The following MAGI1 variants were observed in gnomAD, a reference collection of about 807,000 sequenced individuals.
The protein encoded by MAGI1 is membrane-associated guanylate kinase, WW and PDZ domain-containing protein 1.
In MAGI1, 58 loss-of-function variants were observed where a neutral mutation model predicts 139.9. The observed-to-expected ratio is 0.41, with a 90% CI of 0.34 to 0.52. MAGI1 has a LOEUF of 0.52. Ranked by LOEUF, MAGI1 falls within the 20% of genes least tolerant of loss-of-function variation. The pLI is 0.12. For missense variants in MAGI1, 1,874 were observed against 1,901.6 expected, an observed-to-expected ratio of 0.99 and a Z score of 0.27; for synonymous variants, 812 against 737.9, an observed-to-expected ratio of 1.10 and a Z score of -1.63.
chr3:65,902,552 G>A (rs955333055), intron 1 of MAGI1: 2 of 152,704 alleles, frequency 1.3e-5, no homozygotes, highest in Non-Finnish European at 2.9e-5. Flanking sequence ...CACAGCAGAA[G>A]GGCTAAGTTT....
intron 1 of MAGI1, among the ~76,000 whole-genome samples, chr3:65,954,082 A>G (rs898075965): frequency 1.3e-5 from 2 of 151,980 alleles, no homozygotes; most frequent in African/African-American, 4.8e-5. Flanking sequence ...CCAACCCCCC[A>G]TACTCCGGCA....
chr3:65,656,822 AC>A (rs1415561792), intron 1 of MAGI1, among the ~76,000 whole-genome samples: 1 of 151,762 alleles, frequency 6.6e-6, no homozygotes, highest in African/African-American at 2.4e-5. Context: ...ACATGGTGAA[AC>A]CCCGTCTCTA....
At chr3:65,811,837 T>C (rs2041252988) in intron 1 of MAGI1, among the ~76,000 whole-genome samples, 1 of 152,038 alleles carries the variant, frequency 6.6e-6, no homozygotes, top group South Asian at 2.1e-4. Context: ...CCCTTGTTCT[T>C]TTACTTAAGC....
intron 14 of MAGI1, among the ~76,000 whole-genome samples, chr3:65,384,907 G>C (rs1431805505): frequency 6.6e-6 from 1 of 152,052 alleles, no homozygotes; most frequent in Admixed American, 6.5e-5. Flanking sequence ...ATCCCCAGCA[G>C]ACACTGAGGG....
intron 2 of MAGI1, among the ~76,000 whole-genome samples, chr3:65,569,815 C>A (rs1576349431): frequency 6.6e-6 from 1 of 150,998 alleles, no homozygotes; most frequent in East Asian, 1.9e-4. Flanking sequence ...ATCAAGGCTG[C>A]AGTGAGCCAT....
intron 21 of MAGI1, among the ~76,000 whole-genome samples, chr3:65,362,636 G>A (rs866029184): frequency 2.4e-4 from 36 of 152,232 alleles, no homozygotes; most frequent in African/African-American, 8.2e-4. Flanking sequence ...CAAGATTGTG[G>A]CTTAAGTGCA....
At chr3:65,851,094 G>A (rs75296830) in intron 1 of MAGI1, among the ~76,000 whole-genome samples, 1 of 151,804 alleles carries the variant, frequency 6.6e-6, no homozygotes, top group Non-Finnish European at 1.5e-5. Context: ...GGACAAGAGC[G>A]AGACTTCATC....
intron 2 of MAGI1, among the ~76,000 whole-genome samples, chr3:65,530,622 GTGGTGT>G (rs1170913488): frequency 8.5e-5 from 5 of 58,932 alleles, no homozygotes; most frequent in African/African-American, 2.7e-4. Context: ...GTATGTGTGT[GTGGTGT>G]GTGTGTGTGT....
chr3:65,780,474 A>G (rs991167366), intron 1 of MAGI1, among the ~76,000 whole-genome samples: 4 of 152,232 alleles, frequency 2.6e-5, no homozygotes, highest in South Asian at 2.1e-4. Flanking sequence ...ACGACTAACA[A>G]TGAGGTCCAA....
chr3:65,734,570 GGAGAGA>G (rs143441869), intron 1 of MAGI1, among the ~76,000 whole-genome samples: 3 of 145,942 alleles, frequency 2.1e-5, no homozygotes, highest in East Asian at 4.1e-4. Context: ...AGAGAGAGAG[GGAGAGA>G]GAGAGAGAGA....
intron 1 of MAGI1, among the ~76,000 whole-genome samples, chr3:65,944,091 T>C (rs2063446577): frequency 6.6e-6 from 1 of 152,236 alleles, no homozygotes; most frequent in African/African-American, 2.4e-5. Context: ...CTCAAGTAGC[T>C]GTTTAAGAAT....
At chr3:65,457,135 G>A (rs1419031462) in intron 5 of MAGI1, among the ~76,000 whole-genome samples, 1 of 152,038 alleles carries the variant, frequency 6.6e-6, no homozygotes, top group African/African-American at 2.4e-5. Context: ...CATTTGGGGA[G>A]CACTGACATC....
At chr3:65,673,351 G>T (rs1213417154) in intron 1 of MAGI1, among the ~76,000 whole-genome samples, 1 of 152,124 alleles carries the variant, frequency 6.6e-6, no homozygotes, top group Non-Finnish European at 1.5e-5. Context: ...TATGAATCTT[G>T]TGCTGTATAC....
intron 1 of MAGI1, among the ~76,000 whole-genome samples, chr3:65,716,958 A>G (rs1020793533): frequency 2.6e-5 from 4 of 152,186 alleles, no homozygotes; most frequent in Non-Finnish European, 5.9e-5. Context: ...TGGCTCCCCA[A>G]ATACGTCCTC....
intron 1 of MAGI1, among the ~76,000 whole-genome samples, chr3:65,957,476 GC>G (rs2064183658): frequency 7.1e-6 from 1 of 140,772 alleles, no homozygotes; most frequent in African/African-American, 2.6e-5. Flanking sequence ...AGCCATGATT[GC>G]ACCAATGCAC....
chr3:65,533,590 GC>G (rs974725320), intron 2 of MAGI1, among the ~76,000 whole-genome samples: 1 of 152,090 alleles, frequency 6.6e-6, no homozygotes, highest in Admixed American at 6.6e-5. Flanking sequence ...TACCATGATC[GC>G]CTCAAAATCA....
intron 1 of MAGI1, among the ~76,000 whole-genome samples, chr3:65,646,269 G>A (rs2085254318): frequency 6.6e-6 from 1 of 151,342 alleles, no homozygotes; most frequent in South Asian, 2.1e-4. Context: ...AGACAATGTG[G>A]GCTTTACAGC....
chr3:65,357,350 T>A lies in MAGI1; in HGVS notation c.3635-218A>T, dbSNP rs538587286. ...GGCTTTCAGCGTCTGGCTGACTGAA[T>A]GTTCTCCATACCCGAGACATAGATC... On this transcript the variant is annotated intron_variant, in intron 22 of 22. Transcript: ENST00000402939. Among the ~76,000 whole-genome samples, 48 of 152,316 alleles carry A rather than the reference T, an allele frequency of 3.2e-4. 1 individual carries two copies. Among genetic ancestry groups the A allele is most frequent in the South Asian group, 1.9e-3 (9 of 4,824 alleles).
At chr3:65,566,616 G>C (rs1402207300) in intron 2 of MAGI1, among the ~76,000 whole-genome samples, 1 of 150,142 alleles carries the variant, frequency 6.7e-6, no homozygotes, top group Non-Finnish European at 1.5e-5. Flanking sequence ...GTGTTACTGG[G>C]TTTTTGTTTG....
Sources: allele counts gnomAD v4.1 joint callset (sites outside exome capture counted in the v4.1 genomes callset), GRCh38; gene constraint gnomAD v4.1.1; transcripts MANE v1.5; gene names NCBI Gene and HGNC (gene_info 2026-07-23, HGNC 2026-07-21).